KCNC2: variants seen among roughly 807,000 people sequenced by gnomAD.
KCNC2 encodes potassium voltage-gated channel subfamily C member 2.
Under a neutral mutation model 44.5 loss-of-function variants are expected in KCNC2, and 21 were observed. The ratio of observed to expected loss-of-function variants is 0.47; its 90% CI spans 0.33 to 0.68. The LOEUF (loss-of-function observed/expected upper bound fraction) is 0.68, where lower values mean the gene tolerates loss of function less well. KCNC2 is among the 30% of genes least tolerant of loss of function. The pLI is 0.01. For missense variants in KCNC2, 589 were observed against 826.2 expected (o/e 0.71, Z 3.52); for synonymous variants, 391 against 339.1 (o/e 1.15, Z -1.68).
rs193180580 is a variant in KCNC2 at position 75,115,660 on chromosome 12, C to T, written c.688-64343G>A. On this transcript the variant is annotated intron_variant, in intron 2 of 4. Coordinates refer to ENST00000549446, the MANE Select transcript of KCNC2 (RefSeq NM_139137.4). ...TACTTTTCCGAATTAGTTCAGGTCA[C>T]GTCAATGCATCTTCTCTAAACTGGT... Among the ~76,000 whole-genome samples the T allele has an allele frequency of 2.0e-5, 3 of 152,200 alleles. No homozygotes were observed. In the East Asian group the frequency reaches 5.8e-4, roughly 29 times the overall value.
At chr12:75,191,438 A>G (rs1486481018) in intron 2 of KCNC2, among the ~76,000 whole-genome samples, 1 of 149,762 alleles carries the variant, frequency 6.7e-6, no homozygotes, top group African/African-American at 2.4e-5. Context: ...TTAAAAATAA[A>G]TAATTTAACT....
At chr12:75,165,598 A>G (rs1160599429) in intron 2 of KCNC2, among the ~76,000 whole-genome samples, 3 of 151,490 alleles carry the variant, frequency 2.0e-5, no homozygotes, top group Admixed American at 2.0e-4. Flanking sequence ...TTTCTAATAT[A>G]TTCTACCTCT....
In KCNC2 at chr12:75,050,691, C is replaced by A; in HGVS notation, c.1314G>T (p.Leu438=). ...TTTGGGGGTACATATCCCCATAACCCAGGGTAGTCATGGTCACTACAGCCC... is the reference window on the plus strand; with the variant it reads ...TTTGGGGGTACATATCCCCATAACCAAGGGTAGTCATGGTCACTACAGCCC... The part of the protein sequence containing the change: ...FWWAVVTMTT[L]GYGDMYPQTW... Residue 438 remains leucine, a synonymous_variant, in exon 3 of 5, where the codon CTG becomes CTT. Coordinates refer to ENST00000549446, the MANE Select transcript of KCNC2 (RefSeq NM_139137.4). 1.9e-6 allele frequency: 3 copies of A among 1,613,430 alleles called. No homozygotes were observed. Among genetic ancestry groups the A allele is most frequent in the Non-Finnish European group, 2.5e-6 (3 of 1,179,822 alleles).
chr12:75,173,229 T>A (rs565267226), intron 2 of KCNC2, among the ~76,000 whole-genome samples: 2 of 152,060 alleles, frequency 1.3e-5, no homozygotes, highest in Admixed American at 1.3e-4. Flanking sequence ...TTCTTCAAGA[T>A]TGTATTAGAT....
intron 2 of KCNC2, among the ~76,000 whole-genome samples, chr12:75,090,016 A>T (rs1366560169): frequency 6.6e-6 from 1 of 151,750 alleles, no homozygotes; most frequent in Non-Finnish European, 1.5e-5. Context: ...CCAGTTTAAG[A>T]CTTTCCAATA....
intron 2 of KCNC2, chr12:75,140,122 C>T (rs956768669): frequency 1.3e-5 from 2 of 152,156 alleles, no homozygotes; most frequent in African/African-American, 4.8e-5. Flanking sequence ...ATCTACTGGG[C>T]TTGGTTGGGC....
At chr12:75,073,001 C>CA (rs58907152) in intron 2 of KCNC2, among the ~76,000 whole-genome samples, 3,647 of 151,566 alleles carry the variant, frequency 0.024, 145 homozygotes, top group African/African-American at 0.083. Context: ...TATTTATGTC[C>CA]AAAAAAAACC....
At chr12:75,167,945 C>A (rs1157610030) in intron 2 of KCNC2, among the ~76,000 whole-genome samples, 1 of 151,226 alleles carries the variant, frequency 6.6e-6, no homozygotes, top group Non-Finnish European at 1.5e-5. Flanking sequence ...TTATCTCAAT[C>A]TCTGCATTTT....
chr12:75,157,622 A>G (rs1890851337), intron 2 of KCNC2, among the ~76,000 whole-genome samples: 1 of 151,922 alleles, frequency 6.6e-6, no homozygotes, highest in Non-Finnish European at 1.5e-5. Context: ...GAGTAACATC[A>G]TATAATCAAC....
intron 2 of KCNC2, among the ~76,000 whole-genome samples, chr12:75,191,590 C>T: frequency 8.7e-6 from 1 of 115,370 alleles, no homozygotes; most frequent in East Asian, 3.0e-4. Context: ...GTCGCCCAGG[C>T]TGGACTGCGG....
chr12:75,186,206 G>A (rs1446879567), intron 2 of KCNC2, among the ~76,000 whole-genome samples: 4 of 152,004 alleles, frequency 2.6e-5, no homozygotes, highest in Admixed American at 2.6e-4. Flanking sequence ...TGGCTTCTCT[G>A]AGGCGCCTTC....
At chr12:75,089,155 A>G (rs2137120674) in intron 2 of KCNC2, among the ~76,000 whole-genome samples, 1 of 152,008 alleles carries the variant, frequency 6.6e-6, no homozygotes, top group African/African-American at 2.4e-5. Flanking sequence ...ATGTATGTTA[A>G]TTACTAAAGA....
At chr12:75,080,763 TTC>T (rs1308127425) in intron 2 of KCNC2, among the ~76,000 whole-genome samples, 2 of 152,036 alleles carry the variant, frequency 1.3e-5, no homozygotes, top group African/African-American at 4.8e-5. Context: ...TTCCACGTCA[TTC>T]TCTCTCTCCC....
chr12:75,200,488 T>C (rs2031153690), intron 2 of KCNC2, among the ~76,000 whole-genome samples: 2 of 151,784 alleles, frequency 1.3e-5, no homozygotes, highest in African/African-American at 2.4e-5. Flanking sequence ...CAAACAAAAC[T>C]TAAAGCCATA....
chr12:75,202,574 A>G (rs1459863695), intron 2 of KCNC2, among the ~76,000 whole-genome samples: 2 of 151,768 alleles, frequency 1.3e-5, no homozygotes, highest in East Asian at 3.9e-4. Context: ...GAAATAATGA[A>G]AGAAACTTGG....
chr12:75,122,103 T>G (rs1301542224), intron 2 of KCNC2, among the ~76,000 whole-genome samples: 3 of 151,902 alleles, frequency 2.0e-5, no homozygotes, highest in African/African-American at 7.3e-5. Flanking sequence ...AAATCACAGG[T>G]CAACATCCAC....
chr12:75,120,890 A>T (rs2137286078), intron 2 of KCNC2, among the ~76,000 whole-genome samples: 1 of 152,328 alleles, frequency 6.6e-6, no homozygotes, highest in Non-Finnish European at 1.5e-5. Flanking sequence ...TCTGAGTATG[A>T]ATCAACAAAA....
rs754820554 is a variant in KCNC2, at chr12:75,114,856, C to CTT, written c.688-63541_688-63540dup. ...AGCTCCAGTCAACATTCAACTTCTA[C>CTT]TTTTTTTTTTTTTTTTTTTTTTTTT... On this transcript the variant is annotated intron_variant, in intron 2 of 4. Transcript: ENST00000549446. Among the ~76,000 whole-genome samples, 47 of 86,556 alleles carry CTT rather than the reference C, an allele frequency of 5.4e-4. 2 individuals are homozygous for CTT. Among genetic ancestry groups the CTT allele is most frequent in the Non-Finnish European group, 5.7e-4 (28 of 49,282 alleles). 56.8% of individuals were successfully genotyped at this position (86,556 alleles called of 152,430 possible). A position where few individuals can be genotyped will look rare whatever the true frequency, so the allele number is the denominator to read the frequency against.
At chr12:75,087,601 G>A (rs1885131971) in intron 2 of KCNC2, among the ~76,000 whole-genome samples, 1 of 152,014 alleles carries the variant, frequency 6.6e-6, no homozygotes. Flanking sequence ...TTATGCTCAT[G>A]ATCTTAATTC....
Sources: gnomAD v4.1 joint callset for allele counts (sites outside exome capture counted in the v4.1 genomes callset) on GRCh38, gnomAD v4.1.1 for gene constraint, MANE v1.5 for transcripts, NCBI Gene and HGNC (gene_info 2026-07-23, HGNC 2026-07-21) for gene names.